The following CRYBG3 variants were observed in gnomAD, a reference collection of about 807,000 sequenced individuals.
The protein encoded by CRYBG3 is very large A-kinase anchor protein.
A neutral mutation model predicts 244.2 loss-of-function variants in CRYBG3; 127 were observed. That is an observed-to-expected ratio of 0.52 (90% confidence interval 0.45 to 0.60). The LOEUF (loss-of-function observed/expected upper bound fraction) is 0.60. CRYBG3 is among the 20% of genes least tolerant of loss of function. The pLI, the probability that CRYBG3 is intolerant of heterozygous loss-of-function variation, is 0.00. For synonymous variants in CRYBG3, 1,132 were observed against 1,195.8 expected (o/e 0.95, Z 1.10); for missense variants, 3,325 against 3,442.5 (o/e 0.97, Z 0.85).
intron 12 of CRYBG3, among the ~76,000 whole-genome samples, chr3:97,898,464 G>A (rs1201909449): frequency 1.3e-5 from 2 of 151,806 alleles, no homozygotes; most frequent in African/African-American, 4.8e-5. Context: ...TTTTTGTTAA[G>A]CAAATTATAT....
In CRYBG3 at chr3:97,899,010, A is replaced by G. The variant is rs1575949057; in HGVS notation, c.7829A>G (p.His2610Arg). The G allele has an allele frequency of 1.2e-6, 2 of 1,611,376 alleles. No homozygotes were observed. The highest frequency in any genetic ancestry group is 1.7e-6 in the Non-Finnish European group (2 of 1,179,170). ...IGFGSKTRSI[H>R]VKSGVWVAYQ... ...TTTGGCAGTAAAACAAGATCCATTC[A>G]TGTTAAAAGTGGAGTGTAAGTTGCC... is the stretch of plus-strand genomic sequence containing the variant. Residue 2610 changes from histidine (H) to arginine (R), a missense_variant, in exon 13 of 22, where the codon CAT becomes CGT. Physicochemically the swap from His to Arg is conservative, Grantham distance 29. Around this residue, in one of 4 missense-constraint regions of CRYBG3, gnomAD observed 714 missense variants for 803.6 expected, o/e 0.89. Coordinates refer to ENST00000389622, the MANE Select transcript of CRYBG3 (RefSeq NM_153605.4).
chr3:97,896,823 G>A (rs199574285), intron 12 of CRYBG3, among the ~76,000 whole-genome samples: 3 of 152,078 alleles, frequency 2.0e-5, no homozygotes, highest in African/African-American at 4.8e-5. Flanking sequence ...AGAATTACAC[G>A]GTCCCCAGTA....
chr3:97,933,891 G>C (rs1198097334), intron 18 of CRYBG3, 58 bp downstream of exon 18: 2 of 1,526,618 alleles, frequency 1.3e-6, no homozygotes, highest in Non-Finnish European at 1.8e-6. Context: ...CAGAGTTGCA[G>C]AGTTGCAAAC....
chr3:97,839,332 A>G (rs1354728), intron 1 of CRYBG3, among the ~76,000 whole-genome samples: 33,239 of 151,934 alleles, frequency 0.22, 4,143 homozygotes, highest in Middle Eastern at 0.3. Context: ...TTATATTTGT[A>G]CTAAGCAAAC....
intron 16 of CRYBG3, 89 bp from the exon 17 acceptor site, chr3:97,915,521 A>C (rs770864035): frequency 4.7e-5 from 66 of 1,402,106 alleles, no homozygotes; most frequent in Non-Finnish European, 6.0e-5. Context: ...TCTATGCCCT[A>C]CCCCTACCCC....
At position 97,832,437 on chromosome 3, in the gene CRYBG3, T is replaced by C. The variant is rs1027120777; in HGVS notation, c.149+10082T>C. ...CCACACATCTACAACCATCTGATCATTCACAAACCTGACAAAAACAAGCAA... is the reference window on the plus strand; with the variant it reads ...CCACACATCTACAACCATCTGATCACTCACAAACCTGACAAAAACAAGCAA... On this transcript the variant is annotated intron_variant, in intron 1 of 21. Transcript: ENST00000389622. Among the ~76,000 whole-genome samples the C allele has an allele frequency of 2.6e-5, 4 of 152,090 alleles. No homozygotes were observed. The South Asian group carries it at 8.3e-4, about 32-fold the overall frequency.
In CRYBG3 at chr3:97,840,413, G is replaced by T. The variant is rs2038795594; in HGVS notation, c.150-2782G>T. Reference sequence around the variant, plus strand: ...ATAAGAATCATGCAACTTAAAGGATGTAAGTGAGAATTTTAAGAAATATCA... The same window carrying T: ...ATAAGAATCATGCAACTTAAAGGATTTAAGTGAGAATTTTAAGAAATATCA... On this transcript the variant is annotated intron_variant, in intron 1 of 21. Coordinates refer to ENST00000389622, the MANE Select transcript of CRYBG3 (RefSeq NM_153605.4). Among the ~76,000 whole-genome samples, 7 of 152,190 alleles carry T rather than the reference G, an allele frequency of 4.6e-5. No individual in the cohort carries two copies. The South Asian group carries it at 1.5e-3, about 32-fold the overall frequency.
chr3:97,830,348 C>G (rs2038638390), intron 1 of CRYBG3, among the ~76,000 whole-genome samples: 1 of 152,110 alleles, frequency 6.6e-6, no homozygotes, highest in South Asian at 2.1e-4. Context: ...AGACCTTTCT[C>G]TTGGTCTCTG....
intron 2 of CRYBG3, among the ~76,000 whole-genome samples, chr3:97,843,520 G>C (rs932326188): frequency 2.0e-5 from 3 of 152,170 alleles, no homozygotes; most frequent in Non-Finnish European, 4.4e-5. Flanking sequence ...GTGATCTTCA[G>C]CTGAGGATTT....
rs529702404 is a variant in CRYBG3, at chr3:97,896,022, T to C, written c.7638T>C (p.Phe2546=). 8.8e-5 allele frequency: 142 copies of C among 1,613,730 alleles called. No individual in the cohort carries two copies. Among genetic ancestry groups the C allele is most frequent in the Non-Finnish European group, 1.2e-4 (138 of 1,179,760 alleles). The part of the protein sequence containing the change: ...GQQFLLEEGD[F]EDSNACGALS... Reference sequence around the variant, plus strand: ...AGTTTCTGCTTGAAGAAGGAGACTTTGAAGACAGTAATGCTTGTGGTGCAT... The same window carrying C: ...AGTTTCTGCTTGAAGAAGGAGACTTCGAAGACAGTAATGCTTGTGGTGCAT... The change falls in exon 12 of 22, where the codon TTT becomes TTC. Residue 2546 remains phenylalanine (F), a synonymous_variant. Transcript: ENST00000389622.
chr3:97,933,705 A>C lies in CRYBG3; in HGVS notation c.8253A>C (p.Glu2751Asp). The change falls in exon 18 of 22, where the codon GAA becomes GAC. Residue 2751 changes from glutamate to aspartate, a missense_variant. Coordinates refer to ENST00000389622, the MANE Select transcript of CRYBG3 (RefSeq NM_153605.4). ...TTTTCTGCTAATAGGTTTTTGAAGAACCCTCCATCAGCCTTTTTGCTCTGG... is the reference window on the plus strand; with the variant it reads ...TTTTCTGCTAATAGGTTTTTGAAGACCCCTCCATCAGCCTTTTTGCTCTGG... ...SLKPIDYVFE[E>D]PSISLFALEH... is the part of the protein sequence containing the mutation. The C allele has an allele frequency of 2.5e-6, 4 of 1,612,660 alleles. No individual in the cohort carries two copies. The highest frequency in any genetic ancestry group is 1.1e-5 in the South Asian group (1 of 91,006).
In CRYBG3 at chr3:97,912,150, T is replaced by C. The variant is rs764527365; in HGVS notation, c.8005-17T>C. On this transcript the variant is annotated splice_polypyrimidine_tract_variant and intron_variant, in intron 15 of 21. Coordinates refer to ENST00000389622, the MANE Select transcript of CRYBG3 (RefSeq NM_153605.4). ...CCATTTTTTTTCTATTTAACTGTTG[T>C]GTTGTTGTTCTTGTAGCTCAAAGCA... The C allele has an allele frequency of 1.4e-6, 2 of 1,407,980 alleles. No homozygotes were observed. Among genetic ancestry groups the C allele is most frequent in the Non-Finnish European group, 9.9e-7 (1 of 1,013,580 alleles). 87.2% of individuals were successfully genotyped at this position (1,407,980 alleles called of 1,614,324 possible). A position where few individuals can be genotyped will look rare whatever the true frequency, so the allele number is the denominator to read the frequency against.
chr3:97,872,556 T>C lies in CRYBG3; in HGVS notation c.1362T>C (p.Asn454=). Residue 454 remains asparagine, a synonymous_variant, in exon 4 of 22, where the codon AAT becomes AAC. Coordinates refer to ENST00000389622, the MANE Select transcript of CRYBG3 (RefSeq NM_153605.4). Reference sequence around the variant, plus strand: ...ACACTACTGAGCAGGAAAGTACAAATTTGCCAAGTCCAAATAAATCAATTA... The same window carrying C: ...ACACTACTGAGCAGGAAAGTACAAACTTGCCAAGTCCAAATAAATCAATTA... ...GSDTTEQEST[N]LPSPNKSIRH... 1.3e-6 allele frequency: 2 copies of C among 1,535,960 alleles called. No individual in the cohort carries two copies. Among genetic ancestry groups the C allele is most frequent in the Non-Finnish European group, 1.7e-6 (2 of 1,146,826 alleles).
chr3:97,833,676 C>A (rs559329826), intron 1 of CRYBG3, among the ~76,000 whole-genome samples: 24 of 151,968 alleles, frequency 1.6e-4, no homozygotes, highest in Non-Finnish European at 2.9e-4. Context: ...ATGTAACAAA[C>A]CTGCATGTTC....
At position 97,888,393 on chromosome 3, in the gene CRYBG3, G is replaced by A; in HGVS notation, c.7342G>A (p.Glu2448Lys). 1 of 1,613,176 alleles carries A rather than the reference G, an allele frequency of 6.2e-7. No individual in the cohort carries two copies. Among genetic ancestry groups the A allele is most frequent in the Non-Finnish European group, 8.5e-7 (1 of 1,179,376 alleles). Residue 2448 changes from glutamate (E) to lysine (K), a missense_variant, in exon 9 of 22, where the codon GAA becomes AAA. Coordinates refer to ENST00000389622, the MANE Select transcript of CRYBG3 (RefSeq NM_153605.4). ...TAAGGGACAAGCTACAGTTCTGGAG[G>A]AAGACCATGGGCTCTTTGAGATTTC... ...NFKGQATVLEEDHGLFEISTA... is the reference protein window; with the variant it reads ...NFKGQATVLEKDHGLFEISTA...
intron 1 of CRYBG3, among the ~76,000 whole-genome samples, chr3:97,839,111 A>G (rs1023384004): frequency 2.0e-5 from 3 of 152,128 alleles, no homozygotes; most frequent in Non-Finnish European, 4.4e-5. Flanking sequence ...ACCCCCTGCC[A>G]TGAATAAAAT....
At chr3:97,828,933 G>A (rs190699738) in intron 1 of CRYBG3, among the ~76,000 whole-genome samples, 36 of 152,110 alleles carry the variant, frequency 2.4e-4, no homozygotes, top group African/African-American at 8.2e-4. Flanking sequence ...AAAAGAAGGG[G>A]ATATGAAATA....
In CRYBG3 at chr3:97,905,007, C is replaced by T. The variant is rs548741803; in HGVS notation, c.8004+4522C>T. Among the ~76,000 whole-genome samples the T allele has an allele frequency of 4.2e-3, 635 of 150,818 alleles. 6 individuals are homozygous for T. The highest frequency in any genetic ancestry group is 0.015 in the African/African-American group (613 of 41,030). On this transcript the variant is annotated intron_variant, in intron 15 of 21. Transcript: ENST00000389622. ...TGCGGTGTTTGGTTTTTTGTTCTTG[C>T]GATAGTATAGTTTACTGAGAATGAT...
chr3:97,841,690 C>T (rs968516646), intron 1 of CRYBG3, among the ~76,000 whole-genome samples: 6 of 152,070 alleles, frequency 3.9e-5, no homozygotes, highest in Admixed American at 2.0e-4. Context: ...GACCACTATT[C>T]GACATCTGGC....
Sources: allele counts gnomAD v4.1 joint callset (sites outside exome capture counted in the v4.1 genomes callset), GRCh38; gene constraint gnomAD v4.1.1; regional missense constraint gnomAD v4.1.1; transcripts MANE v1.5; gene names NCBI Gene and HGNC (gene_info 2026-07-23, HGNC 2026-07-21).